The following CDH4 variants were observed in gnomAD, a reference collection of about 807,000 sequenced individuals.
CDH4 encodes the protein cadherin-4.
In CDH4, 33 loss-of-function variants were observed where a neutral mutation model predicts 86.0. The observed-to-expected ratio is 0.38, with a 90% CI of 0.29 to 0.51. CDH4 has a LOEUF of 0.51. Ranked by LOEUF, CDH4 falls within the 20% of genes least tolerant of loss-of-function variation. The pLI is 0.86. For missense variants in CDH4, 1,114 were observed against 1,307.4 expected (o/e 0.85, Z 2.28); for synonymous variants, 555 against 549.4 (o/e 1.01, Z -0.14).
At chr20:61,308,205 G>A (rs916553860) in intron 2 of CDH4, among the ~76,000 whole-genome samples, 7 of 152,190 alleles carry the variant, frequency 4.6e-5, no homozygotes, top group South Asian at 2.1e-4. Context: ...TTGAATGTAT[G>A]TAGCATACAT....
intron 2 of CDH4, among the ~76,000 whole-genome samples, chr20:61,608,530 T>G (rs1474686196): frequency 6.6e-6 from 1 of 152,256 alleles, no homozygotes; most frequent in Admixed American, 6.5e-5. Context: ...TCTGCCCCAC[T>G]GGGCGTTAAG....
chr20:61,487,582 C>T (rs2085603398), intron 2 of CDH4, among the ~76,000 whole-genome samples: 1 of 152,154 alleles, frequency 6.6e-6, no homozygotes, highest in African/African-American at 2.4e-5. Context: ...CAGTGATTTT[C>T]TGATTCTCTG....
At chr20:61,771,781 G>A (rs976942727) in intron 3 of CDH4, among the ~76,000 whole-genome samples, 3 of 152,184 alleles carry the variant, frequency 2.0e-5, no homozygotes, top group Non-Finnish European at 4.4e-5. Context: ...TGAACACAGT[G>A]TAATGCGTTT....
At chr20:61,718,731 G>C (rs560087119) in intron 2 of CDH4, 5 of 452,304 alleles carry the variant, frequency 1.1e-5, no homozygotes, top group African/African-American at 1.0e-4. Flanking sequence ...GGGCATTTGA[G>C]TGCAGGAGAC....
rs190664398 is a variant in CDH4 at position 61,709,301 on chromosome 20, G to A, written c.170-34262G>A. Among the ~76,000 whole-genome samples, 11 of 152,278 alleles carry A rather than the reference G, an allele frequency of 7.2e-5. No homozygotes were observed. Among genetic ancestry groups the A allele is most frequent in the South Asian group, 4.1e-4 (2 of 4,826 alleles). On this transcript the variant is annotated intron_variant, in intron 2 of 15. Transcript: ENST00000614565. This position sits in a 1 kb window ranked among gnomAD's most constrained non-coding sequence, Gnocchi z 4.8. ...ATTTATTTATTTATTTTCTGAGAGC[G>A]TCTTGCTCTGTTGCCCAGGCTGTAG...
At position 61,923,955 on chromosome 20, in the gene CDH4, G is replaced by A. The variant is rs542809374; in HGVS notation, c.1628+251G>A. On this transcript the variant is annotated intron_variant, in intron 10 of 15. Transcript: ENST00000614565. ...ATTCAGCACTGTCTAGACACAGGCC[G>A]GCCCGATCCTGGCCACACTCTCATA... Among the ~76,000 whole-genome samples, 11 of 152,304 alleles carry A rather than the reference G, an allele frequency of 7.2e-5. No individual in the cohort carries two copies. The East Asian group carries it at 1.3e-3, about 19-fold the overall frequency.
At chr20:61,574,986 G>A (rs187840919) in intron 2 of CDH4, among the ~76,000 whole-genome samples, 14 of 152,304 alleles carry the variant, frequency 9.2e-5, no homozygotes, top group Admixed American at 3.9e-4. Context: ...GAGTGCTGCC[G>A]TGTGAAGAAA....
intron 2 of CDH4, among the ~76,000 whole-genome samples, chr20:61,439,145 T>G (rs1402536763): frequency 6.6e-6 from 1 of 152,174 alleles, no homozygotes; most frequent in African/African-American, 2.4e-5. Context: ...GTCAAAATGG[T>G]CAAAACAATC....
chr20:61,762,278 T>G (rs1197104836), intron 3 of CDH4, among the ~76,000 whole-genome samples: 1 of 152,226 alleles, frequency 6.6e-6, no homozygotes. Context: ...ATCTTATGCC[T>G]GACGTGACCA....
chr20:61,814,655 G>T (rs1980622242), intron 4 of CDH4, among the ~76,000 whole-genome samples: 2 of 152,262 alleles, frequency 1.3e-5, no homozygotes, highest in South Asian at 4.1e-4. Context: ...TTAAGATACT[G>T]GAGTGTTTGT....
At chr20:61,671,134 TGATGGTTGGGTG>T in intron 2 of CDH4, among the ~76,000 whole-genome samples, 1 of 150,322 alleles carries the variant, frequency 6.7e-6, no homozygotes. Flanking sequence ...GGTGGATGCA[TGATGGTTGGGTG>T]GATGGGTGGG....
chr20:61,260,113 A>C (rs373313602), intron 2 of CDH4, among the ~76,000 whole-genome samples: 1 of 152,174 alleles, frequency 6.6e-6, no homozygotes, highest in Admixed American at 6.5e-5. Context: ...GCATTCCCTG[A>C]CTTAGGAAAA....
intron 6 of CDH4, 42 bp downstream of exon 6, chr20:61,852,940 C>T (rs374594371): frequency 1.1e-5 from 17 of 1,607,168 alleles, no homozygotes; most frequent in Non-Finnish European, 1.4e-5. Context: ...CCTGTGGGCT[C>T]TGCGGGTGCA....
At chr20:61,925,170 AG>A (rs758347373) in intron 11 of CDH4, among the ~76,000 whole-genome samples, 1 of 152,190 alleles carries the variant, frequency 6.6e-6, no homozygotes, top group East Asian at 1.9e-4. Flanking sequence ...CAGAGACGGC[AG>A]GAAGAAGGTT....
intron 3 of CDH4, among the ~76,000 whole-genome samples, chr20:61,758,628 T>A (rs901501515): frequency 6.6e-6 from 1 of 152,182 alleles, no homozygotes; most frequent in African/African-American, 2.4e-5. Context: ...CCTGAGGGCA[T>A]GACCTCAGGA....
chr20:61,920,574 A>G (rs1472942354), intron 9 of CDH4, among the ~76,000 whole-genome samples: 3 of 129,006 alleles, frequency 2.3e-5, no homozygotes, highest in African/African-American at 9.1e-5. Flanking sequence ...TTGTGTGGAA[A>G]TGTGGTGTGA....
At chr20:61,723,774 G>A (rs1204384967) in intron 2 of CDH4, among the ~76,000 whole-genome samples, 1 of 152,220 alleles carries the variant, frequency 6.6e-6, no homozygotes, top group Non-Finnish European at 1.5e-5. Context: ...TGTTTACAGA[G>A]GGATCTGGGC....
chr20:61,349,791 G>A (rs949812031), intron 2 of CDH4, among the ~76,000 whole-genome samples: 6 of 152,202 alleles, frequency 3.9e-5, no homozygotes, highest in African/African-American at 1.4e-4. Flanking sequence ...GGCCAACCAT[G>A]TACGTGGAAA....
intron 2 of CDH4, among the ~76,000 whole-genome samples, chr20:61,579,498 A>G (rs1403187030): frequency 1.3e-5 from 2 of 151,856 alleles, no homozygotes; most frequent in African/African-American, 4.8e-5. Flanking sequence ...TGTTGGCCAG[A>G]CTGGTCTCAA....
Sources: gnomAD v4.1 joint callset for allele counts (sites outside exome capture counted in the v4.1 genomes callset) on GRCh38, gnomAD v4.1.1 for gene constraint, Gnocchi (gnomAD v3.1) non-coding constraint, MANE v1.5 for transcripts, NCBI Gene and HGNC (gene_info 2026-07-23, HGNC 2026-07-21) for gene names.